Variants in DHX35 observed in about 807,000 individuals in gnomAD.
DHX35 encodes DEAH-box helicase 35.
DHX35 carries 84 observed loss-of-function variants against 99.6 expected under a neutral mutation model. The observed-to-expected ratio is 0.84, with a 90% CI of 0.71 to 1.01. DHX35 has a LOEUF of 1.01. Ranked by LOEUF, DHX35 falls within the 50% of genes least tolerant of loss-of-function variation. DHX35 has a pLI of 0.00. For synonymous variants in DHX35, 331 were observed against 316.2 expected, an observed-to-expected ratio of 1.05 and a Z score of -0.50; for missense variants, 852 against 888.5, an observed-to-expected ratio of 0.96 and a Z score of 0.52.
At chr20:39,017,760 C>T (rs1600431429) in intron 14 of DHX35, among the ~76,000 whole-genome samples, 2 of 152,134 alleles carry the variant, frequency 1.3e-5, no homozygotes, top group African/African-American at 4.8e-5. Flanking sequence ...AAAGAGTCAG[C>T]CCAGTTCAGC....
intron 1 of DHX35, among the ~76,000 whole-genome samples, chr20:38,963,764 G>T (rs2085869887): frequency 6.6e-6 from 1 of 152,184 alleles, no homozygotes; most frequent in African/African-American, 2.4e-5. Context: ...CTGTGTTCAG[G>T]AGACAAATAC....
At chr20:38,984,744 A>C (rs976276377) in intron 4 of DHX35, among the ~76,000 whole-genome samples, 1 of 152,166 alleles carries the variant, frequency 6.6e-6, no homozygotes, top group African/African-American at 2.4e-5. Flanking sequence ...TATAATATAC[A>C]TGTTCTTAAT....
Position 39,018,468 on chromosome 20 carries a change from C to T in DHX35, c.1403-336C>T, listed in dbSNP as rs1240083872. Among the ~76,000 whole-genome samples, 15 of 151,824 alleles carry T rather than the reference C, an allele frequency of 9.9e-5. No homozygotes were observed. In the South Asian group the frequency reaches 1.7e-3, roughly 17 times the overall value. On this transcript the variant is annotated intron_variant, in intron 14 of 21. Coordinates refer to ENST00000252011, the MANE Select transcript of DHX35 (RefSeq NM_021931.4). ...AGGTTCTTGGGAAGAGTGGTCTCTT[C>T]GGAGTAGTGGGAACAGGTGAGGCTC...
intron 16 of DHX35, 105 bp downstream of exon 16, chr20:39,022,040 G>C: frequency 9.1e-7 from 1 of 1,096,692 alleles, no homozygotes; most frequent in Non-Finnish European, 1.4e-6. Flanking sequence ...CTGTACAAAT[G>C]TGATCTGCTC....
Position 39,003,833 on chromosome 20 carries a change from C to T in DHX35, c.937C>T (p.Leu313Phe). ...RTGMKRHLRV[L>F]PMYAGLPSFE... ...TGGGATGAAGAGACACCTCCGAGTT[C>T]TCCCCATGTATGCAGGACTGCCTTC... is the stretch of plus-strand genomic sequence containing the variant. Residue 313 changes from leucine (L) to phenylalanine (F), a missense_variant, in exon 11 of 22, where the codon CTC (leucine) becomes TTC (phenylalanine). Coordinates refer to ENST00000252011, the MANE Select transcript of DHX35 (RefSeq NM_021931.4). 1 of 1,614,198 alleles carries T rather than the reference C, an allele frequency of 6.2e-7. No individual in the cohort carries two copies. The highest frequency in any genetic ancestry group is 1.1e-5 in the South Asian group (1 of 91,086).
intron 16 of DHX35, 80 bp downstream of exon 16, chr20:39,022,015 C>T (rs2086880947): frequency 1.5e-6 from 2 of 1,359,788 alleles, no homozygotes; most frequent in African/African-American, 1.4e-5. Flanking sequence ...TACTCAGGAA[C>T]TGCTGAAGAC....
chr20:39,018,074 T>A (rs1221852369), intron 14 of DHX35, among the ~76,000 whole-genome samples: 2 of 152,158 alleles, frequency 1.3e-5, no homozygotes, highest in African/African-American at 2.4e-5. Context: ...TGAGACTTAT[T>A]ATCACGATAA....
At chr20:39,036,726 C>CAA (rs60032935) in intron 21 of DHX35, among the ~76,000 whole-genome samples, 21 of 51,680 alleles carry the variant, frequency 4.1e-4, no homozygotes, top group South Asian at 1.5e-3. Context: ...ACTGTCCCCC[C>CAA]AAAAAAAAAA....
chr20:39,030,880 G>C (rs2087038861), intron 20 of DHX35, 105 bp downstream of exon 20: 2 of 1,317,894 alleles, frequency 1.5e-6, no homozygotes. Context: ...TTGCTGCTCT[G>C]GGCCGGGCGT....
intron 21 of DHX35, among the ~76,000 whole-genome samples, chr20:39,034,688 A>G (rs996045664): frequency 3.0e-4 from 46 of 151,990 alleles, no homozygotes; most frequent in African/African-American, 1.1e-3. Context: ...CCCGGATTCA[A>G]GCAATTCTCC....
chr20:38,969,316 G>T, intron 2 of DHX35, 102 bp downstream of exon 2: 1 of 1,363,196 alleles, frequency 7.3e-7, no homozygotes, highest in Admixed American at 2.4e-5. Flanking sequence ...CTAGAACACA[G>T]TGAGCTCAGA....
chr20:38,966,359 C>G (rs2085910751), intron 1 of DHX35, among the ~76,000 whole-genome samples: 2 of 152,206 alleles, frequency 1.3e-5, no homozygotes, highest in Non-Finnish European at 2.9e-5. Context: ...TGTTTATCAA[C>G]TGACATAGCT....
chr20:39,010,269 C>G lies in DHX35; in HGVS notation c.1223-11C>G. On this transcript the variant is annotated splice_polypyrimidine_tract_variant and intron_variant, in intron 12 of 21. Coordinates refer to ENST00000252011, the MANE Select transcript of DHX35 (RefSeq NM_021931.4). ...ATTTGGTCCCAAACAGTTCTGATTT[C>G]CTATCCTCAGAGGAAGCCTTTGACA... 6.2e-7 allele frequency: 1 copy of G among 1,614,084 alleles called. No homozygotes were observed. Among genetic ancestry groups the G allele is most frequent in the Non-Finnish European group, 8.5e-7 (1 of 1,179,966 alleles).
rs1051209198 is a variant in DHX35 at position 39,002,821 on chromosome 20, C to T, written c.805C>T (p.His269Tyr). Residue 269 changes from histidine (H) to tyrosine (Y), a missense_variant, in exon 10 of 22, where the codon CAC becomes TAC. Physicochemically the swap from His to Tyr is moderately conservative, Grantham distance 83. Coordinates refer to ENST00000252011, the MANE Select transcript of DHX35 (RefSeq NM_021931.4). ...AACTGTCGAAACTGTGGTGAAAATT[C>T]ACCAGACAGAGGGAGACGGAGACGT... ...KSTVETVVKI[H>Y]QTEGDGDVLA... The T allele has an allele frequency of 1.2e-6, 2 of 1,614,176 alleles. No homozygotes were observed. The highest frequency in any genetic ancestry group is 1.7e-6 in the Non-Finnish European group (2 of 1,180,020).
chr20:39,027,067 G>A (rs1258617967), intron 18 of DHX35, among the ~76,000 whole-genome samples: 1 of 152,144 alleles, frequency 6.6e-6, no homozygotes, highest in Non-Finnish European at 1.5e-5. Flanking sequence ...TGTCTAAGAT[G>A]CTCCCCTCCC....
chr20:38,986,937 G>A (rs1045298985), intron 4 of DHX35, among the ~76,000 whole-genome samples: 5 of 152,232 alleles, frequency 3.3e-5, no homozygotes, highest in African/African-American at 1.2e-4. Context: ...ACGCCTGGGT[G>A]TGCCTAGCTC....
At chr20:39,032,170 TTTTTTGAGACAGTGTCTCACTCTGTG>T (rs1402726388) in intron 20 of DHX35, among the ~76,000 whole-genome samples, 1 of 152,206 alleles carries the variant, frequency 6.6e-6, no homozygotes, top group East Asian at 1.9e-4. Flanking sequence ...TGGATTTTGT[TTTTTTGAGACAGTGTCTCACTCTGTG>T]TTTTTGAGAC....
chr20:38,993,004 A>G (rs2086364450), intron 7 of DHX35, among the ~76,000 whole-genome samples: 1 of 152,210 alleles, frequency 6.6e-6, no homozygotes, highest in Non-Finnish European at 1.5e-5. Context: ...GGCTTCAACA[A>G]TTACAACTCA....
chr20:39,002,894 A>G (rs1002408909), intron 10 of DHX35, 26 bp downstream of exon 10: 2 of 1,584,908 alleles, frequency 1.3e-6, no homozygotes, highest in Admixed American at 3.3e-5. Context: ...TTCTCTGATG[A>G]ATAGACATGT....
Sources: gnomAD v4.1 joint callset for allele counts (sites outside exome capture counted in the v4.1 genomes callset) on GRCh38, gnomAD v4.1.1 for gene constraint, MANE v1.5 for transcripts, NCBI Gene and HGNC (gene_info 2026-07-23, HGNC 2026-07-21) for gene names.